Variants in PPM1E observed in about 807,000 individuals in gnomAD.
PPM1E encodes the protein protein phosphatase 1E.
Under a neutral mutation model 65.9 loss-of-function variants are expected in PPM1E, and 20 were observed. The ratio of observed to expected loss-of-function variants is 0.30; its 90% CI spans 0.21 to 0.44. The LOEUF is 0.44. PPM1E is among the 20% of genes least tolerant of loss of function. PPM1E has a pLI of 1.00. For missense variants in PPM1E, 713 were observed against 953.1 expected (o/e 0.75, Z 3.32); for synonymous variants, 352 against 374.9 (o/e 0.94, Z 0.70).
chr17:58,983,275 C>T lies in PPM1E; in HGVS notation c.*2244C>T, dbSNP rs915694242. On this transcript the variant is annotated 3_prime_UTR_variant, in exon 7 of 7. Transcript: ENST00000308249. ...TATAAACCAATATTGTGAAAAATAG[C>T]AACTATTCATTTGTTCACAACATGC... The T allele has an allele frequency of 5.3e-6, 1 of 189,596 alleles. No homozygotes were observed. Among genetic ancestry groups the T allele is most frequent in the African/African-American group, 2.3e-5 (1 of 42,722 alleles). The allele number at this position is 189,596 out of a possible 1,614,324, so 11.7% of individuals were successfully genotyped here.
intron 1 of PPM1E, among the ~76,000 whole-genome samples, chr17:58,923,284 CAAAAAA>C (rs60557317): frequency 9.8e-6 from 1 of 102,486 alleles, no homozygotes; most frequent in Non-Finnish European, 1.9e-5. Context: ...GACCCTATCT[CAAAAAA>C]AAAAAAAAAA....
chr17:58,778,722 C>G (rs984564978), intron 1 of PPM1E, among the ~76,000 whole-genome samples: 5 of 151,756 alleles, frequency 3.3e-5, no homozygotes, highest in African/African-American at 1.2e-4. Context: ...GCCTGAGCCA[C>G]AGCTCCTGGC....
chr17:58,956,343 A>G (rs1040156326), intron 2 of PPM1E, among the ~76,000 whole-genome samples: 1 of 151,884 alleles, frequency 6.6e-6, no homozygotes, highest in Non-Finnish European at 1.5e-5. Flanking sequence ...GGCTGAGGCA[A>G]GTGAATTGGT....
chr17:58,906,210 T>C (rs894167570), intron 1 of PPM1E, among the ~76,000 whole-genome samples: 8 of 152,208 alleles, frequency 5.3e-5, no homozygotes, highest in Non-Finnish European at 8.8e-5. Context: ...CTTTCATTCC[T>C]GACATTAGTA....
chr17:58,930,732 G>A (rs1025583740), intron 1 of PPM1E, among the ~76,000 whole-genome samples: 1 of 151,998 alleles, frequency 6.6e-6, no homozygotes, highest in Admixed American at 6.6e-5. Context: ...GGAAAACATA[G>A]TAAGGGACAT....
intron 1 of PPM1E, among the ~76,000 whole-genome samples, chr17:58,759,265 A>C (rs76976418): frequency 1.3e-5 from 2 of 152,158 alleles, no homozygotes; most frequent in Non-Finnish European, 2.9e-5. Context: ...CAAAAAAAAA[A>C]GTTACCTACG....
chr17:58,878,743 A>G (rs377241546), intron 1 of PPM1E, among the ~76,000 whole-genome samples: 1 of 150,718 alleles, frequency 6.6e-6, no homozygotes, highest in Admixed American at 6.6e-5. Flanking sequence ...GACCAGCCTG[A>G]CCAATATGGA....
chr17:58,972,876 G>A lies in PPM1E; in HGVS notation c.1161G>A (p.Trp387Ter). ...AGGCCCTTGGAGGTTGCGTAGTCTG[G>A]TTTGGTGCCTGGAGGGTGAATGGAA... is the stretch of plus-strand genomic sequence containing the variant. ...RIEALGGCVV[W>*]FGAWRVNGSL... Residue 387 changes from tryptophan to a stop codon, truncating the protein, a stop_gained, in exon 6 of 7, where the codon TGG becomes TGA. Transcript: ENST00000308249. LOFTEE classifies it high-confidence loss of function. The A allele has an allele frequency of 1.2e-6, 2 of 1,613,252 alleles. No homozygotes were observed. Among genetic ancestry groups the A allele is most frequent in the Non-Finnish European group, 8.5e-7 (1 of 1,179,302 alleles).
rs192271041 is a variant in PPM1E at position 58,944,028 on chromosome 17, A to C, written c.465-11621A>C. Among the ~76,000 whole-genome samples, 3 of 152,234 alleles carry C rather than the reference A, an allele frequency of 2.0e-5. No individual in the cohort carries two copies. In the East Asian group the frequency reaches 5.8e-4, roughly 29 times the overall value. On this transcript the variant is annotated intron_variant, in intron 1 of 6. Transcript: ENST00000308249. ...ATTTTCTTCTTTTTCCAACTAAGGA[A>C]ATGTGCCTCATCCTACAGTCAGATT... is the stretch of plus-strand genomic sequence containing the variant.
At chr17:58,938,799 T>G (rs951531546) in intron 1 of PPM1E, among the ~76,000 whole-genome samples, 1 of 150,228 alleles carries the variant, frequency 6.7e-6, no homozygotes, top group Non-Finnish European at 1.5e-5. Context: ...TTTTTTTTTT[T>G]TTTTTTTTTG....
chr17:58,962,683 G>T (rs1220038497), intron 2 of PPM1E, among the ~76,000 whole-genome samples: 1 of 152,202 alleles, frequency 6.6e-6, no homozygotes, highest in Non-Finnish European at 1.5e-5. Flanking sequence ...ATGTTGGATT[G>T]TCTATTGGCC....
intron 1 of PPM1E, among the ~76,000 whole-genome samples, chr17:58,922,715 C>T (rs2051768555): frequency 7.0e-6 from 1 of 141,978 alleles, no homozygotes; most frequent in African/African-American, 2.6e-5. Flanking sequence ...GATGGAGTCT[C>T]ACTCTGTTGC....
chr17:58,901,917 A>G (rs1200025971), intron 1 of PPM1E, among the ~76,000 whole-genome samples: 1 of 152,182 alleles, frequency 6.6e-6, no homozygotes, highest in East Asian at 1.9e-4. Context: ...CGGAGGTTGC[A>G]GTGAGCCAAG....
chr17:58,835,032 T>C (rs2050640847), intron 1 of PPM1E, among the ~76,000 whole-genome samples: 1 of 152,186 alleles, frequency 6.6e-6, no homozygotes, highest in South Asian at 2.1e-4. Flanking sequence ...ATCTCTCCAG[T>C]TATTTAGGTC....
intron 1 of PPM1E, among the ~76,000 whole-genome samples, chr17:58,824,659 G>A (rs2050514310): frequency 6.6e-6 from 1 of 151,210 alleles, no homozygotes; most frequent in African/African-American, 2.4e-5. Context: ...CGTGATCTCA[G>A]CTCACTGCAA....
At chr17:58,823,771 C>A (rs2050504220) in intron 1 of PPM1E, among the ~76,000 whole-genome samples, 1 of 152,058 alleles carries the variant, frequency 6.6e-6, no homozygotes, top group Admixed American at 6.6e-5. Context: ...TGCTCTGTTG[C>A]CCAGGCTGGA....
chr17:58,806,045 T>C (rs979347418), intron 1 of PPM1E, among the ~76,000 whole-genome samples: 2 of 149,920 alleles, frequency 1.3e-5, no homozygotes, highest in Non-Finnish European at 3.0e-5. Context: ...TTGTAGTAAG[T>C]ACTGTCAATT....
chr17:58,833,435 A>AGG (rs1416104144), intron 1 of PPM1E, among the ~76,000 whole-genome samples: 9 of 151,368 alleles, frequency 5.9e-5, no homozygotes, highest in Non-Finnish European at 1.3e-4. Flanking sequence ...TATGTCCATG[A>AGG]GTACCCCATG....
In PPM1E at chr17:58,981,856, A is replaced by G. The variant is rs1191016061; in HGVS notation, c.*825A>G. ...ACTGTACCCTCATCTCAGGAATAAA[A>G]CTGCTTTAACGGAGATGATGTCAGG... On this transcript the variant is annotated 3_prime_UTR_variant, in exon 7 of 7. Transcript: ENST00000308249. The G allele has an allele frequency of 2.6e-5, 4 of 152,616 alleles. No homozygotes were observed. The highest frequency in any genetic ancestry group is 4.4e-5 in the Non-Finnish European group (3 of 68,038). The allele number at this position is 152,616 out of a possible 1,614,324, so 9.5% of individuals were successfully genotyped here. A position where few individuals can be genotyped will look rare whatever the true frequency, so the allele number is the denominator to read the frequency against.
Sources: gnomAD v4.1 joint callset for allele counts (sites outside exome capture counted in the v4.1 genomes callset) on GRCh38, gnomAD v4.1.1 for gene constraint, MANE v1.5 for transcripts, NCBI Gene and HGNC (gene_info 2026-07-23, HGNC 2026-07-21) for gene names.